The following CFTR variants were observed in gnomAD, a reference collection of about 807,000 sequenced individuals.
CFTR encodes the protein cystic fibrosis transmembrane conductance regulator.
Under a neutral mutation model 171.6 loss-of-function variants are expected in CFTR, and 181 were observed. That is an observed-to-expected ratio of 1.05 (90% CI 0.93 to 1.19). CFTR has a LOEUF of 1.19. Ranked by LOEUF, CFTR falls within the 50% of genes most tolerant of loss-of-function variation. The pLI, the probability that CFTR is intolerant of heterozygous loss-of-function variation, is 0.00. For synonymous variants in CFTR, 583 were observed against 608.0 expected (o/e 0.96, Z 0.60); for missense variants, 1,968 against 1,734.7 (o/e 1.13, Z -2.39).
chr7:117,521,053 T>G (rs1798678036), intron 3 of CFTR, among the ~76,000 whole-genome samples: 1 of 152,014 alleles, frequency 6.6e-6, no homozygotes, highest in African/African-American at 2.4e-5. Context: ...TTTTGTGAGA[T>G]GTATATTTTA....
intron 1 of CFTR, among the ~76,000 whole-genome samples, chr7:117,500,050 G>A (rs2116629189): frequency 6.6e-6 from 1 of 152,230 alleles, no homozygotes; most frequent in African/African-American, 2.4e-5. Context: ...ACACCTGGAT[G>A]ATCACTGATT....
At chr7:117,637,217 A>C (rs758462540) in intron 22 of CFTR, among the ~76,000 whole-genome samples, 5 of 123,186 alleles carry the variant, frequency 4.1e-5, no homozygotes, top group Non-Finnish European at 6.2e-5. Flanking sequence ...GTGTTTTCAA[A>C]TGGTGTTTTT....
At chr7:117,531,186 G>A in intron 4 of CFTR, 72 bp downstream of exon 4, 1 of 1,181,730 alleles carries the variant, frequency 8.5e-7, no homozygotes. Context: ...CATAAATTAG[G>A]TAGTGAGCTG....
intron 21 of CFTR, among the ~76,000 whole-genome samples, chr7:117,620,317 G>A (rs370872075): frequency 6.6e-6 from 1 of 152,104 alleles, no homozygotes; most frequent in South Asian, 2.1e-4. Flanking sequence ...TTTCTCATTT[G>A]TAAAATGAAA....
rs213950 is a variant in CFTR at position 117,559,479 on chromosome 7, G to A, written c.1408G>A (p.Val470Met). 0.44 allele frequency: 701,593 copies of A among 1,597,726 alleles called. 164,304 individuals carry two copies. The highest frequency in any genetic ancestry group is 0.87 in the African/African-American group (64,888 of 74,584). Residue 470 changes from valine (V) to methionine (M), a missense_variant, in exon 11 of 27, where the codon GTG (valine) becomes ATG (methionine). Val to Met is a conservative substitution (Grantham distance 21, BLOSUM62 1). Transcript: ENST00000003084. Reference sequence around the variant, plus strand: ...TTATTTCCAGACTTCACTTCTAATGGTGATTATGGGAGAACTGGAGCCTTC... The same window carrying A: ...TTATTTCCAGACTTCACTTCTAATGATGATTATGGGAGAACTGGAGCCTTC... ...TGAGKTSLLM[V>M]IMGELEPSEG...
chr7:117,547,271 G>GT (rs1324072157), intron 9 of CFTR, among the ~76,000 whole-genome samples: 1 of 152,058 alleles, frequency 6.6e-6, no homozygotes. Flanking sequence ...TTTCAACATA[G>GT]TTTTAAGTGG....
chr7:117,554,512 T>C (rs1250075363), intron 10 of CFTR, among the ~76,000 whole-genome samples: 1 of 152,010 alleles, frequency 6.6e-6, no homozygotes, highest in Non-Finnish European at 1.5e-5. Context: ...AATAGAGATG[T>C]TAGTTGGATG....
chr7:117,536,379 C>T (rs143542722), intron 6 of CFTR, among the ~76,000 whole-genome samples, 169 bp from the exon 7 acceptor site: 12 of 152,144 alleles, frequency 7.9e-5, no homozygotes, highest in African/African-American at 2.9e-4. Flanking sequence ...ACATAGGAGG[C>T]ATTTACCAAA....
At chr7:117,519,454 T>A (rs865896572) in intron 3 of CFTR, among the ~76,000 whole-genome samples, 2 of 152,100 alleles carry the variant, frequency 1.3e-5, no homozygotes, top group African/African-American at 4.8e-5. Context: ...ATTCATTGTA[T>A]CCTATGATGG....
intron 12 of CFTR, among the ~76,000 whole-genome samples, chr7:117,588,379 C>T (rs1431031459): frequency 6.6e-6 from 1 of 152,094 alleles, no homozygotes; most frequent in Non-Finnish European, 1.5e-5. Context: ...TTGGTCCAAG[C>T]ATTTTAAAGC....
At chr7:117,569,166 A>AGAAGACTG (rs1791648955) in intron 11 of CFTR, among the ~76,000 whole-genome samples, 1 of 152,170 alleles carries the variant, frequency 6.6e-6, no homozygotes, top group Non-Finnish European at 1.5e-5. Context: ...GTGTAGTATA[A>AGAAGACTG]GAAGACTGGA....
At chr7:117,554,068 TA>T (rs1316568527) in intron 10 of CFTR, among the ~76,000 whole-genome samples, 2 of 152,286 alleles carry the variant, frequency 1.3e-5, no homozygotes, top group East Asian at 3.9e-4. Context: ...TCGTAAAGAC[TA>T]AGGCTTATTT....
At chr7:117,518,328 T>C (rs1403141267) in intron 3 of CFTR, among the ~76,000 whole-genome samples, 1 of 146,648 alleles carries the variant, frequency 6.8e-6, no homozygotes, top group Non-Finnish European at 1.5e-5. Context: ...TAATTGTATA[T>C]AACATATGTT....
chr7:117,665,134 C>T (rs1793352295), intron 25 of CFTR, among the ~76,000 whole-genome samples: 1 of 152,194 alleles, frequency 6.6e-6, no homozygotes, highest in Non-Finnish European at 1.5e-5. Flanking sequence ...CTAATCTGAT[C>T]CTTATGATTT....
chr7:117,490,354 C>CACACAA (rs767133170), intron 1 of CFTR, among the ~76,000 whole-genome samples: 1 of 146,056 alleles, frequency 6.8e-6, no homozygotes, highest in East Asian at 2.0e-4. Flanking sequence ...CACACACACA[C>CACACAA]AATTTATTAT....
chr7:117,664,971 T>C, intron 25 of CFTR, 111 bp downstream of exon 25: 2 of 1,117,280 alleles, frequency 1.8e-6, no homozygotes, highest in Admixed American at 1.7e-5. Context: ...TGTGGGGGTC[T>C]CCCCCAAGAT....
intron 24 of CFTR, among the ~76,000 whole-genome samples, chr7:117,656,284 C>A (rs1793182681): frequency 6.6e-6 from 1 of 152,132 alleles, no homozygotes; most frequent in South Asian, 2.1e-4. Context: ...CTCTGGGAAA[C>A]AGGTTTAGCA....
At chr7:117,524,442 T>A (rs2116661554) in intron 3 of CFTR, among the ~76,000 whole-genome samples, 1 of 151,872 alleles carries the variant, frequency 6.6e-6, no homozygotes, top group South Asian at 2.1e-4. Context: ...TTGACATTTG[T>A]CTATGAAAAA....
At chr7:117,640,330 A>G (rs1256245387) in intron 22 of CFTR, among the ~76,000 whole-genome samples, 2 of 152,190 alleles carry the variant, frequency 1.3e-5, no homozygotes, top group African/African-American at 4.8e-5. Context: ...GTTCAATGAT[A>G]TAAGGAAACC....
Sources: allele counts gnomAD v4.1 joint callset (sites outside exome capture counted in the v4.1 genomes callset), GRCh38; gene constraint gnomAD v4.1.1; transcripts MANE v1.5; gene names NCBI Gene and HGNC (gene_info 2026-07-23, HGNC 2026-07-21).